Variants in ZFYVE9 observed in about 807,000 individuals in gnomAD.
The protein encoded by ZFYVE9 is zinc finger FYVE-type containing 9, also known as zinc finger FYVE domain-containing protein 9.
ZFYVE9 carries 43 observed loss-of-function variants against 126.7 expected under a neutral mutation model. The ratio of observed to expected loss-of-function variants is 0.34; its 90% CI spans 0.27 to 0.44. The LOEUF (loss-of-function observed/expected upper bound fraction) is 0.44, where lower values mean the gene tolerates loss of function less well. Ranked by LOEUF, ZFYVE9 falls within the 20% of genes least tolerant of loss-of-function variation. The pLI, the probability that ZFYVE9 is intolerant of heterozygous loss-of-function variation, is 1.00. For missense variants in ZFYVE9, 1,476 were observed against 1,697.0 expected (o/e 0.87, Z 2.29); for synonymous variants, 521 against 597.4 (o/e 0.87, Z 1.87).
chr1:52,214,344 T>G (rs1645053572), intron 1 of ZFYVE9, among the ~76,000 whole-genome samples: 1 of 152,136 alleles, frequency 6.6e-6, no homozygotes, highest in South Asian at 2.1e-4. Flanking sequence ...CGAGAACTTC[T>G]TGAACCTGGG....
At chr1:52,171,603 T>G (rs547339308) in intron 1 of ZFYVE9, among the ~76,000 whole-genome samples, 12 of 152,310 alleles carry the variant, frequency 7.9e-5, no homozygotes, top group Admixed American at 7.8e-4. Flanking sequence ...TGAACTAGTT[T>G]ACAGTCCCAC....
At chr1:52,240,740 G>A (rs551326339) in intron 4 of ZFYVE9, among the ~76,000 whole-genome samples, 1 of 152,136 alleles carries the variant, frequency 6.6e-6, no homozygotes, top group Non-Finnish European at 1.5e-5. Flanking sequence ...GAAACTGGCT[G>A]GGGGGCAAAA....
chr1:52,186,377 AGGAGCT>A (rs1644765992), intron 1 of ZFYVE9, among the ~76,000 whole-genome samples: 1 of 152,214 alleles, frequency 6.6e-6, no homozygotes, highest in South Asian at 2.1e-4. Context: ...TTGAATGGGC[AGGAGCT>A]GGAAGCATTC....
intron 15 of ZFYVE9, among the ~76,000 whole-genome samples, chr1:52,336,420 A>G (rs1646390577): frequency 7.2e-6 from 1 of 139,490 alleles, no homozygotes; most frequent in Admixed American, 8.0e-5. Flanking sequence ...GCTGGAGTAC[A>G]GTGGCACAAT....
chr1:52,259,625 TAAAAA>T (rs541679465), intron 4 of ZFYVE9, among the ~76,000 whole-genome samples: 1 of 84,170 alleles, frequency 1.2e-5, no homozygotes. Context: ...CTGTCTCTAC[TAAAAA>T]AAAAAAAAAA....
At chr1:52,271,844 T>G (rs1039730157) in intron 7 of ZFYVE9, among the ~76,000 whole-genome samples, 8 of 152,168 alleles carry the variant, frequency 5.3e-5, no homozygotes, top group Admixed American at 5.2e-4. Flanking sequence ...TTATTTTATT[T>G]TATTCTTTGT....
At chr1:52,323,223 G>C (rs780667396) in intron 13 of ZFYVE9, among the ~76,000 whole-genome samples, 1 of 152,148 alleles carries the variant, frequency 6.6e-6, no homozygotes, top group African/African-American at 2.4e-5. Context: ...GGCCTTGCAC[G>C]TATCCCCATG....
chr1:52,178,294 A>G (rs1411187978), intron 1 of ZFYVE9, among the ~76,000 whole-genome samples: 1 of 150,184 alleles, frequency 6.7e-6, no homozygotes, highest in African/African-American at 2.4e-5. Flanking sequence ...AAAAAAAAAA[A>G]AAAAAAAAAG....
At position 52,193,171 on chromosome 1, in the gene ZFYVE9, C is replaced by G. The variant is rs1395929006; in HGVS notation, c.-142-23198C>G. 2.0e-5 allele frequency among the ~76,000 whole-genome samples: 3 copies of G among 152,068 alleles called. No individual in the cohort carries two copies. In the South Asian group the frequency reaches 6.2e-4, roughly 32 times the overall value. On this transcript the variant is annotated intron_variant, in intron 1 of 18. Coordinates refer to ENST00000287727, the MANE Select transcript of ZFYVE9 (RefSeq NM_004799.4). ...TCAAACAGTCCTCCTGCGTCAGCCT[C>G]CTGAGTACCTGGGACTACCCAGCAC...
chr1:52,301,677 G>C (rs1646036852), intron 12 of ZFYVE9, among the ~76,000 whole-genome samples: 3 of 152,110 alleles, frequency 2.0e-5, no homozygotes, highest in Non-Finnish European at 4.4e-5. Context: ...CCATAGTGTA[G>C]TTTTCATGTT....
At chr1:52,225,598 T>G (rs1040121706) in intron 2 of ZFYVE9, among the ~76,000 whole-genome samples, 2 of 152,198 alleles carry the variant, frequency 1.3e-5, no homozygotes, top group Non-Finnish European at 2.9e-5. Context: ...TGGCCAAGGC[T>G]TAAACTTTTC....
intron 9 of ZFYVE9, among the ~76,000 whole-genome samples, chr1:52,280,053 A>G (rs759532535): frequency 2.6e-5 from 4 of 152,078 alleles, no homozygotes; most frequent in Admixed American, 1.3e-4. Context: ...TCAATTTGCC[A>G]TATCTAGTTT....
intron 11 of ZFYVE9, 43 bp from the exon 12 acceptor site, chr1:52,295,852 T>C (rs781528043): frequency 3.9e-5 from 60 of 1,541,024 alleles, no homozygotes; most frequent in Non-Finnish European, 5.3e-5. Flanking sequence ...TACCAAAGTT[T>C]TATGTTGCCA....
chr1:52,185,229 G>A (rs1644754217), intron 1 of ZFYVE9, among the ~76,000 whole-genome samples: 2 of 152,096 alleles, frequency 1.3e-5, no homozygotes, highest in South Asian at 4.1e-4. Context: ...ACCTTACAGA[G>A]TGCTTTCTTT....
At position 52,270,486 on chromosome 1, in the gene ZFYVE9, G is replaced by A. The variant is rs531403292; in HGVS notation, c.2625+1854G>A. 5.3e-5 allele frequency among the ~76,000 whole-genome samples: 8 copies of A among 152,076 alleles called. No individual in the cohort carries two copies. In the South Asian group the frequency reaches 6.2e-4, roughly 12 times the overall value. On this transcript the variant is annotated intron_variant, in intron 7 of 18. Transcript: ENST00000287727. ...TCACGATGTTAGCCAGGATGGTCTC[G>A]ATCTCCTGACCTCCTGATCTGCCCT...
At chr1:52,216,337 C>T (rs1262157066) in intron 1 of ZFYVE9, 32 bp from the exon 2 acceptor site, 2 of 398,102 alleles carry the variant, frequency 5.0e-6, no homozygotes, top group African/African-American at 4.1e-5. Flanking sequence ...ATTGTTTCAG[C>T]AAGTGTAATG....
intron 1 of ZFYVE9, among the ~76,000 whole-genome samples, chr1:52,211,065 C>T (rs974465809): frequency 3.3e-5 from 5 of 152,078 alleles, no homozygotes; most frequent in Admixed American, 1.3e-4. Context: ...GGCAGATCAC[C>T]GAAATGTGGG....
rs190991336 is a variant in ZFYVE9 at position 52,306,370 on chromosome 1, C to G, written c.3438+2445C>G. On this transcript the variant is annotated intron_variant, in intron 13 of 18. Transcript: ENST00000287727. ...GGAGCTGCTCACTCCAGGGCCGCCT[C>G]TCTGCTGAGAGCTGAATACTCGATT... 2.3e-3 allele frequency among the ~76,000 whole-genome samples: 353 copies of G among 152,288 alleles called. 8 individuals are homozygous for G. Among genetic ancestry groups the G allele is most frequent in the African/African-American group, 8.3e-3 (345 of 41,572 alleles).
At chr1:52,195,734 A>T (rs1644853427) in intron 1 of ZFYVE9, among the ~76,000 whole-genome samples, 1 of 151,990 alleles carries the variant, frequency 6.6e-6, no homozygotes, top group East Asian at 1.9e-4. Flanking sequence ...CTAGTTTATG[A>T]AAGTTTTTGA....
Sources: allele counts gnomAD v4.1 joint callset (sites outside exome capture counted in the v4.1 genomes callset), GRCh38; gene constraint gnomAD v4.1.1; transcripts MANE v1.5; gene names NCBI Gene and HGNC (gene_info 2026-07-23, HGNC 2026-07-21).